ANKRD30BL: variants seen among roughly 807,000 people sequenced by gnomAD.
ANKRD30BL encodes the protein ankyrin repeat domain 30B like.
Under a neutral mutation model 18.4 loss-of-function variants are expected in ANKRD30BL, and 20 were observed. The observed-to-expected ratio is 1.09, with a 90% confidence interval of 0.77 to 1.58. The LOEUF is 1.58. ANKRD30BL is among the 40% of genes most tolerant of loss of function. ANKRD30BL has a pLI of 0.00. For missense variants in ANKRD30BL, 224 were observed against 268.6 expected (o/e 0.83, Z 1.16); for synonymous variants, 72 against 100.9 (o/e 0.71, Z 1.72).
chr2:132,240,454 G>A (rs1429093210), intron 1 of ANKRD30BL, among the ~76,000 whole-genome samples: 4 of 151,850 alleles, frequency 2.6e-5, no homozygotes, highest in Non-Finnish European at 5.9e-5. Context: ...GGGAAAGTTG[G>A]AACGCTTTGA....
chr2:132,236,043 C>T (rs1373169206), intron 1 of ANKRD30BL, among the ~76,000 whole-genome samples: 4 of 152,068 alleles, frequency 2.6e-5, no homozygotes, highest in Admixed American at 6.6e-5. Flanking sequence ...CACATATCCA[C>T]AACTATCTGA....
chr2:132,222,025 C>T (rs1310128746), intron 1 of ANKRD30BL, among the ~76,000 whole-genome samples: 1 of 138,034 alleles, frequency 7.2e-6, no homozygotes, highest in East Asian at 2.3e-4. Context: ...CGGCCAGCCA[C>T]CCTGTCCGGG....
chr2:132,184,975 G>A (rs1688538846), intron 1 of ANKRD30BL, among the ~76,000 whole-genome samples: 1 of 152,034 alleles, frequency 6.6e-6, no homozygotes, highest in Admixed American at 6.6e-5. Context: ...ACCATGCTCG[G>A]CTAATTTTTT....
At chr2:132,211,528 T>G (rs1679348107) in intron 1 of ANKRD30BL, among the ~76,000 whole-genome samples, 1 of 152,026 alleles carries the variant, frequency 6.6e-6, no homozygotes, top group Non-Finnish European at 1.5e-5. Flanking sequence ...AAAGGATATT[T>G]GGAGTGCTCT....
chr2:132,256,003 G>T (rs1223847120), intron 1 of ANKRD30BL, among the ~76,000 whole-genome samples: 5 of 152,184 alleles, frequency 3.3e-5, no homozygotes, highest in Non-Finnish European at 5.9e-5. Flanking sequence ...CTGTGAAGGG[G>T]GTCAGTGCCC....
At chr2:132,219,245 A>G (rs890269141) in intron 1 of ANKRD30BL, among the ~76,000 whole-genome samples, 4 of 151,742 alleles carry the variant, frequency 2.6e-5, no homozygotes, top group Non-Finnish European at 4.4e-5. Flanking sequence ...GTTTTGAGAC[A>G]CTCTTTTCAC....
intron 1 of ANKRD30BL, among the ~76,000 whole-genome samples, chr2:132,201,700 T>C (rs1157870998): frequency 2.0e-5 from 3 of 152,224 alleles, no homozygotes; most frequent in Non-Finnish European, 4.4e-5. Context: ...GGTGGGACTG[T>C]AAACTAGTTC....
chr2:132,151,591 C>G (rs1687758727), intron 4 of ANKRD30BL, among the ~76,000 whole-genome samples: 1 of 147,930 alleles, frequency 6.8e-6, no homozygotes, highest in Non-Finnish European at 1.5e-5. Context: ...ATAGGGAGAC[C>G]ATGTCTCAAC....
chr2:132,175,715 G>A (rs1243484288), intron 1 of ANKRD30BL, among the ~76,000 whole-genome samples: 1 of 152,216 alleles, frequency 6.6e-6, no homozygotes, highest in Non-Finnish European at 1.5e-5. Context: ...GGTCCCTGCG[G>A]CTTTCCGCAG....
intron 1 of ANKRD30BL, among the ~76,000 whole-genome samples, chr2:132,170,920 G>T (rs1291516198): frequency 1.3e-5 from 2 of 152,210 alleles, no homozygotes; most frequent in East Asian, 3.9e-4. Context: ...ACTTTGGGAG[G>T]CCGAGGCGGG....
At position 132,257,066 on chromosome 2, in the gene ANKRD30BL, A is replaced by G. The variant is rs757705917; in HGVS notation, n.441+463T>C. 17 of 502,004 alleles carry G rather than the reference A, an allele frequency of 3.4e-5. No individual in the cohort carries two copies. The East Asian group carries it at 9.8e-4, about 29-fold the overall frequency. 31.1% of individuals were successfully genotyped at this position (502,004 alleles called of 1,614,324 possible). A position where few individuals can be genotyped will look rare whatever the true frequency, so the allele number is the denominator to read the frequency against. On this transcript the variant is annotated intron_variant and non_coding_transcript_variant, in intron 1 of 4. Transcript: ENST00000470729. ...CGCAGCGACCCGCCTAGGATGCCGG[A>G]CGGCCCTCGGCACCACCGAGACCCG...
chr2:132,169,668 A>G (rs1446427538), intron 1 of ANKRD30BL, among the ~76,000 whole-genome samples: 1 of 145,596 alleles, frequency 6.9e-6, no homozygotes, highest in Non-Finnish European at 1.5e-5. Context: ...AAAAAAAAAA[A>G]GAGGTGAATG....
chr2:132,253,839 G>A (rs527360800), intron 1 of ANKRD30BL, among the ~76,000 whole-genome samples: 3 of 152,178 alleles, frequency 2.0e-5, no homozygotes, highest in Non-Finnish European at 4.4e-5. Flanking sequence ...CCCTACCCTC[G>A]AGACCCCCTA....
chr2:132,247,021 T>A (rs142439118), intron 1 of ANKRD30BL, among the ~76,000 whole-genome samples: 34 of 65,264 alleles, frequency 5.2e-4, no homozygotes, highest in Non-Finnish European at 7.3e-4. Flanking sequence ...AACTTCTTTG[T>A]GATGTTTGCA....
At chr2:132,229,803 A>G (rs560431238) in intron 1 of ANKRD30BL, among the ~76,000 whole-genome samples, 3 of 152,236 alleles carry the variant, frequency 2.0e-5, no homozygotes, top group Admixed American at 2.0e-4. Context: ...TCACATAAAA[A>G]CTAGACAGAA....
At chr2:132,226,339 A>T (rs13402486) in intron 1 of ANKRD30BL, among the ~76,000 whole-genome samples, 9 of 130,404 alleles carry the variant, frequency 6.9e-5, no homozygotes, top group African/African-American at 4.1e-4. Flanking sequence ...CCTATGGTGG[A>T]AAAGGAAATA....
chr2:132,148,109 T>G lies in ANKRD30BL; in HGVS notation c.*22A>C, dbSNP rs199535616. On this transcript the variant is annotated 3_prime_UTR_variant, in exon 6 of 6. Transcript: ENST00000409867. ...AAAGGATGTTTACAGGCTAAAATCTTTGAAGAGGAATTCACTGTATCCTAT... is the reference window on the plus strand; with the variant it reads ...AAAGGATGTTTACAGGCTAAAATCTGTGAAGAGGAATTCACTGTATCCTAT... 1 of 1,543,424 alleles carries G rather than the reference T, an allele frequency of 6.5e-7. No individual in the cohort carries two copies. Among genetic ancestry groups the G allele is most frequent in the Non-Finnish European group, 8.8e-7 (1 of 1,131,504 alleles).
In ANKRD30BL at chr2:132,214,109, A is replaced by AAGTGG. The variant is rs542903724; in HGVS notation, n.441+43415_441+43419dup. 2.1e-3 allele frequency among the ~76,000 whole-genome samples: 327 copies of AAGTGG among 152,266 alleles called. 1 individual carries two copies. Among genetic ancestry groups the AAGTGG allele is most frequent in the African/African-American group, 7.4e-3 (308 of 41,578 alleles). ...GAAACACTCTTTTTGTAGAATCTGC[A>AAGTGG]AGTGGATATTTGGAGCACTTTGAGA... On this transcript the variant is annotated intron_variant and non_coding_transcript_variant, in intron 1 of 4. Transcript: ENST00000470729.
At chr2:132,170,909 C>G (rs1228090486) in intron 1 of ANKRD30BL, among the ~76,000 whole-genome samples, 2 of 152,172 alleles carry the variant, frequency 1.3e-5, no homozygotes, top group African/African-American at 4.8e-5. Context: ...GTAAGCCCAG[C>G]ACTTTGGGAG....
Sources: gnomAD v4.1 joint callset for allele counts (sites outside exome capture counted in the v4.1 genomes callset) on GRCh38, gnomAD v4.1.1 for gene constraint, MANE v1.5 for transcripts, NCBI Gene and HGNC (gene_info 2026-07-23, HGNC 2026-07-21) for gene names.